FER1L5: variants seen among roughly 807,000 people sequenced by gnomAD.
FER1L5 encodes fer-1 like family member 5, also known as fer-1-like protein 5.
A neutral mutation model predicts 279.9 loss-of-function variants in FER1L5; 187 were observed. That is an observed-to-expected ratio of 0.67 (90% CI 0.59 to 0.75). The LOEUF (loss-of-function observed/expected upper bound fraction) is 0.75. FER1L5 is among the 30% of genes least tolerant of loss of function. FER1L5 has a pLI of 0.00. For synonymous variants in FER1L5, 921 were observed against 989.7 expected (o/e 0.93, Z 1.30); for missense variants, 2,091 against 2,594.4 (o/e 0.81, Z 4.21).
chr2:96,647,114 G>T lies in FER1L5; in HGVS notation c.189G>T (p.Leu63=). 6.4e-7 allele frequency: 1 copy of T among 1,551,626 alleles called. No homozygotes were observed. Among genetic ancestry groups the T allele is most frequent in the Non-Finnish European group, 8.7e-7 (1 of 1,146,980 alleles). Residue 63 remains leucine (L), a synonymous_variant, in exon 3 of 53, where the codon CTG becomes CTT. Transcript: ENST00000624922. ...GCCCCCTGGAAAATGACTCCTTCCT[G>T]CAAGTCACCCTTCAGGACATGGGCT... ...WNRPLENDSF[L]QVTLQDMGSQ... is the part of the protein sequence containing the mutation.
intron 4 of FER1L5, 41 bp from the exon 5 acceptor site, chr2:96,649,582 G>A (rs1459749796): frequency 5.2e-6 from 8 of 1,547,440 alleles, no homozygotes; most frequent in Non-Finnish European, 1.7e-6. Context: ...GTCCAAGGAT[G>A]GCAGGGTCTG....
chr2:96,648,034 G>A (rs527977956), intron 4 of FER1L5, 148 bp downstream of exon 4: 8 of 633,916 alleles, frequency 1.3e-5, no homozygotes, highest in Middle Eastern at 4.2e-4. Flanking sequence ...CATCATCTGC[G>A]CCCCCCTCCC....
At chr2:96,661,914 G>C (rs1481342226) in intron 12 of FER1L5, 123 bp downstream of exon 12, 1 of 1,365,324 alleles carries the variant, frequency 7.3e-7, no homozygotes, top group Non-Finnish European at 9.9e-7. Context: ...AGGGGGGACA[G>C]GGTGAGACTG....
intron 19 of FER1L5, among the ~76,000 whole-genome samples, chr2:96,681,308 C>T (rs2106633692): frequency 6.6e-6 from 1 of 152,302 alleles, no homozygotes; most frequent in South Asian, 2.1e-4. Flanking sequence ...GATCATGCCA[C>T]TGCATTGCAG....
rs767842616 is a variant in FER1L5, at chr2:96,666,682, G to A, written c.1141-2069G>A. 8.0e-5 allele frequency among the ~76,000 whole-genome samples: 12 copies of A among 150,504 alleles called. No homozygotes were observed. In the East Asian group the frequency reaches 2.0e-3, roughly 25 times the overall value. On this transcript the variant is annotated intron_variant, in intron 14 of 52. Coordinates refer to ENST00000624922, the MANE Select transcript of FER1L5 (RefSeq NM_001293083.2). The stretch of plus-strand genomic sequence containing the variant: ...TTATTTTTTTTTTTTAGACAGTCTT[G>A]CTCTGTTGCCCAGGCTAGACTGCAG...
At position 96,698,428 on chromosome 2, in the gene FER1L5, C is replaced by T. The variant is rs573885972; in HGVS notation, c.4357-243C>T. 1.2e-3 allele frequency among the ~76,000 whole-genome samples: 178 copies of T among 152,262 alleles called. 1 individual carries two copies. In the South Asian group the frequency reaches 0.02, roughly 17 times the overall value. ...AGGGATAGATGGGGTGGAATGAGTC[C>T]ACAGCGGCACAGACGGGGAACTCAC... On this transcript the variant is annotated intron_variant, in intron 40 of 52. Transcript: ENST00000624922. The surrounding 1 kb of genome is among the most constrained non-coding windows in gnomAD (Gnocchi z 5.5).
intron 23 of FER1L5, chr2:96,687,600 C>T: frequency 3.2e-6 from 2 of 627,502 alleles, no homozygotes; most frequent in South Asian, 4.0e-5. Context: ...GCACTCCCAC[C>T]CTCTCTGCTT....
At chr2:96,683,317 G>T (rs1283461061) in intron 19 of FER1L5, among the ~76,000 whole-genome samples, 1 of 152,118 alleles carries the variant, frequency 6.6e-6, no homozygotes, top group African/African-American at 2.4e-5. Context: ...TCTGGCGGTT[G>T]CTGTGGTCCT....
chr2:96,683,567 CG>C (rs1305120191), intron 19 of FER1L5, among the ~76,000 whole-genome samples: 1 of 149,552 alleles, frequency 6.7e-6, no homozygotes, highest in Non-Finnish European at 1.5e-5. Context: ...TATGCCTTTC[CG>C]GGGGGGACAC....
intron 6 of FER1L5, among the ~76,000 whole-genome samples, chr2:96,651,375 TCTTTC>T (rs1021793158): frequency 4.0e-5 from 6 of 150,986 alleles, no homozygotes; most frequent in Non-Finnish European, 7.4e-5. Context: ...CTTCCTTCCT[TCTTTC>T]CTTTCTTTTC....
intron 9 of FER1L5, among the ~76,000 whole-genome samples, chr2:96,659,396 T>TCTTTCTTTCTTTCTTTCTTC (rs2075804446): frequency 1.4e-4 from 1 of 7,236 alleles, no homozygotes; most frequent in Non-Finnish European, 2.1e-4. Flanking sequence ...TTTCTTTCTT[T>TCTTTCTTTCTTTCTTTCTTC]CTTTCTTTCT....
chr2:96,691,655 C>A lies in FER1L5; in HGVS notation c.3075+43C>A. 1 of 1,508,740 alleles carries A rather than the reference C, an allele frequency of 6.6e-7. No homozygotes were observed. Among genetic ancestry groups the A allele is most frequent in the Non-Finnish European group, 8.9e-7 (1 of 1,125,894 alleles). The allele number at this position is 1,508,740 out of a possible 1,614,324, so 93.5% of individuals were successfully genotyped here. On this transcript the variant is annotated intron_variant, in intron 29 of 52. Coordinates refer to ENST00000624922, the MANE Select transcript of FER1L5 (RefSeq NM_001293083.2). This position sits in a 1 kb window ranked among gnomAD's most constrained non-coding sequence, Gnocchi z 6.0. ...GGGTGATGCCTGCCTGTAACCCCAC[C>A]TCCCAGAGAAGCCAGGGCCTGGCCT... is the stretch of plus-strand genomic sequence containing the variant.
Position 96,657,704 on chromosome 2 carries a change from TTCTC to T in FER1L5, c.748-2635_748-2632del, listed in dbSNP as rs554747485. Among the ~76,000 whole-genome samples the T allele has an allele frequency of 5.1e-4, 78 of 152,340 alleles. 1 individual carries two copies. In the South Asian group the frequency reaches 0.015, roughly 29 times the overall value. ...GAGTTCATATCAATAGAATCATACA[TTCTC>T]TATCCTTTTGTGTCTGCTTTCTTTC... is the stretch of plus-strand genomic sequence containing the variant. On this transcript the variant is annotated intron_variant, in intron 9 of 52. Transcript: ENST00000624922.
At chr2:96,696,012 T>TC in intron 36 of FER1L5, 40 bp from the exon 37 acceptor site, 1 of 1,613,278 alleles carries the variant, frequency 6.2e-7, no homozygotes, top group Non-Finnish European at 8.5e-7. Flanking sequence ...CTCAGCCCTC[T>TC]CCCCATCCTG....
chr2:96,691,548 G>A lies in FER1L5; in HGVS notation c.3011G>A (p.Arg1004His), dbSNP rs1453552518. 4.5e-6 allele frequency: 7 copies of A among 1,549,500 alleles called. No homozygotes were observed. Among genetic ancestry groups the A allele is most frequent in the East Asian group, 2.4e-5 (1 of 40,904 alleles). Residue 1004 changes from arginine (R) to histidine (H), a missense_variant, in exon 29 of 53, where the codon CGC becomes CAC. Arg to His is a conservative substitution (Grantham distance 29). Transcript: ENST00000624922. This position sits in a 1 kb window ranked among gnomAD's most constrained non-coding sequence, Gnocchi z 6.0. Reference sequence around the variant, plus strand: ...AGCCGGTTCCGCCGCCGCTGCTGGCGCCGCAGGCTGGCCCCCAACAAGGAC... The same window carrying A: ...AGCCGGTTCCGCCGCCGCTGCTGGCACCGCAGGCTGGCCCCCAACAAGGAC... ...PQSRFRRRCWRRRLAPNKDKG... is the reference protein window; with the variant it reads ...PQSRFRRRCWHRRLAPNKDKG...
rs1237136207 is a variant in FER1L5 at position 96,693,606 on chromosome 2, C to T, written c.3393C>T (p.His1131=). 1.9e-6 allele frequency: 3 copies of T among 1,551,730 alleles called. No homozygotes were observed. The highest frequency in any genetic ancestry group is 3.9e-5 in the Admixed American group (2 of 51,014). ...PTWAQTLIFQ[H]LLLYENPQDT... is the part of the protein sequence containing the mutation. Reference sequence around the variant, plus strand: ...GGGCCCAGACACTCATCTTCCAGCACCTCCTTCTGTACGAGAACCCACAGG... The same window carrying T: ...GGGCCCAGACACTCATCTTCCAGCATCTCCTTCTGTACGAGAACCCACAGG... The change falls in exon 32 of 53, where the codon CAC becomes CAT. Residue 1131 remains histidine (H), a synonymous_variant. Transcript: ENST00000624922.
intron 19 of FER1L5, among the ~76,000 whole-genome samples, chr2:96,680,485 G>A (rs1198141664): frequency 1.4e-5 from 2 of 147,944 alleles, no homozygotes; most frequent in East Asian, 3.9e-4. Context: ...TTTTCATCTT[G>A]TCCTCTCTCT....
chr2:96,693,664 G>A lies in FER1L5; in HGVS notation c.3451G>A (p.Glu1151Lys). The change falls in exon 32 of 53, where the codon GAG becomes AAG. Residue 1151 changes from glutamate (E) to lysine (K), a missense_variant. By Grantham distance (56) the Glu-to-Lys change is moderately conservative. Coordinates refer to ENST00000624922, the MANE Select transcript of FER1L5 (RefSeq NM_001293083.2). ...AGAGAGCCCACCGCTTGTGGTGCTG[G>A]AGCTGTGGCAGCGTGACTTCTGGGT... ...TKESPPLVVL[E>K]LWQRDFWGKE... 6.4e-7 allele frequency: 1 copy of A among 1,551,642 alleles called. No individual in the cohort carries two copies.
chr2:96,693,388 G>C, intron 31 of FER1L5, 118 bp from the exon 32 acceptor site: 1 of 1,060,608 alleles, frequency 9.4e-7, no homozygotes. Context: ...GGAGGCCTCA[G>C]TGGCTGCCCT....
Sources: gnomAD v4.1 joint callset for allele counts (sites outside exome capture counted in the v4.1 genomes callset) on GRCh38, gnomAD v4.1.1 for gene constraint, Gnocchi (gnomAD v3.1) non-coding constraint, MANE v1.5 for transcripts, NCBI Gene and HGNC (gene_info 2026-07-23, HGNC 2026-07-21) for gene names.